Variants in AGMO observed in about 807,000 individuals in gnomAD.
AGMO encodes the protein glyceryl-ether monooxygenase.
In AGMO, 75 loss-of-function variants were observed where a neutral mutation model predicts 60.2. The ratio of observed to expected loss-of-function variants is 1.25; its 90% CI spans 1.03 to 1.51. The LOEUF (loss-of-function observed/expected upper bound fraction) is 1.51, where lower values mean the gene tolerates loss of function less well. AGMO is among the 40% of genes most tolerant of loss of function. The probability of loss-of-function intolerance (pLI) is 0.00; values close to 1 mark genes in which losing one functional copy is unlikely to be tolerated. For synonymous variants in AGMO, 261 were observed against 177.1 expected, an observed-to-expected ratio of 1.47 and a Z score of -3.76; for missense variants, 763 against 525.5, an observed-to-expected ratio of 1.45 and a Z score of -4.42.
At chr7:15,287,917 T>A (rs1784145901) in intron 12 of AGMO, among the ~76,000 whole-genome samples, 1 of 152,246 alleles carries the variant, frequency 6.6e-6, no homozygotes, top group Non-Finnish European at 1.5e-5. Context: ...TATGTAGCCA[T>A]AATTTTTATT....
At chr7:15,462,939 C>A (rs551389956) in intron 3 of AGMO, among the ~76,000 whole-genome samples, 43 of 152,204 alleles carry the variant, frequency 2.8e-4, no homozygotes, top group African/African-American at 1.0e-3. Context: ...AGCTACACAA[C>A]GTCAGGTTGT....
chr7:15,398,733 G>C (rs1387379152), intron 5 of AGMO, among the ~76,000 whole-genome samples: 2 of 151,858 alleles, frequency 1.3e-5, no homozygotes, highest in African/African-American at 4.8e-5. Flanking sequence ...GACATAGATG[G>C]GTTTATTTAA....
At chr7:15,533,222 A>G (rs1383364532) in intron 3 of AGMO, among the ~76,000 whole-genome samples, 5 of 152,126 alleles carry the variant, frequency 3.3e-5, no homozygotes, top group African/African-American at 1.2e-4. Context: ...AGTTCCTGTT[A>G]TGCTGTGGTT....
intron 12 of AGMO, among the ~76,000 whole-genome samples, chr7:15,359,693 T>G (rs546336427): frequency 6.6e-6 from 1 of 152,352 alleles, no homozygotes; most frequent in Admixed American, 6.5e-5. Flanking sequence ...CTACCCCTGG[T>G]TCATTTCTCA....
downstream of AGMO, among the ~76,000 whole-genome samples, chr7:15,196,141 C>T (rs1209932368): frequency 1.3e-5 from 2 of 151,758 alleles, no homozygotes; most frequent in Non-Finnish European, 1.5e-5. Context: ...CTCCCGGGTT[C>T]GAGCGATTCT....
chr7:15,400,857 G>C (rs1784534959), intron 5 of AGMO, among the ~76,000 whole-genome samples: 1 of 152,134 alleles, frequency 6.6e-6, no homozygotes, highest in South Asian at 2.1e-4. Context: ...TCAGTTTTAT[G>C]AGAGCTTCAG....
chr7:15,363,446 G>A (rs896101658), intron 12 of AGMO, among the ~76,000 whole-genome samples: 1 of 152,096 alleles, frequency 6.6e-6, no homozygotes, highest in East Asian at 1.9e-4. Context: ...CTACTTAGAT[G>A]GATGTTATAC....
intron 4 of AGMO, among the ~76,000 whole-genome samples, chr7:15,430,026 G>T (rs1781181659): frequency 6.6e-6 from 1 of 151,556 alleles, no homozygotes; most frequent in Non-Finnish European, 1.5e-5. Flanking sequence ...CTTTATTAGT[G>T]GTGTGACTGA....
At chr7:15,465,835 A>G (rs1210664650) in intron 3 of AGMO, among the ~76,000 whole-genome samples, 1 of 152,092 alleles carries the variant, frequency 6.6e-6, no homozygotes, top group Non-Finnish European at 1.5e-5. Flanking sequence ...AAGGAAAAGC[A>G]TAACACAAAA....
At chr7:15,294,782 A>G (rs1784366441) in intron 12 of AGMO, among the ~76,000 whole-genome samples, 1 of 151,986 alleles carries the variant, frequency 6.6e-6, no homozygotes, top group Admixed American at 6.6e-5. Flanking sequence ...CCTGATGAAT[A>G]AAATATCTGA....
the AGMO span, among the ~76,000 whole-genome samples, chr7:15,126,804 C>T: frequency 6.6e-6 from 1 of 152,108 alleles, no homozygotes; most frequent in Non-Finnish European, 1.5e-5. Flanking sequence ...CCCTTGTTTT[C>T]CTTCCTTCCT....
chr7:15,354,411 CGTGT>C (rs199522749), intron 12 of AGMO, among the ~76,000 whole-genome samples: 3 of 21,630 alleles, frequency 1.4e-4, no homozygotes, highest in African/African-American at 8.6e-4. Flanking sequence ...TGTGTACACA[CGTGT>C]GTGTATACAC....
intron 3 of AGMO, among the ~76,000 whole-genome samples, chr7:15,526,189 A>AGGGGCG (rs1466264147): frequency 6.6e-6 from 1 of 152,146 alleles, no homozygotes; most frequent in East Asian, 1.9e-4. Flanking sequence ...AGGCCTGGGC[A>AGGGGCG]GGGGCGTTGC....
chr7:15,329,331 T>C (rs138061505), intron 12 of AGMO, among the ~76,000 whole-genome samples: 1 of 152,284 alleles, frequency 6.6e-6, no homozygotes, highest in East Asian at 1.9e-4. Flanking sequence ...AAACAAGTTA[T>C]GAAAAGTCTC....
Position 15,538,069 on chromosome 7 carries a change from T to C in AGMO, c.409+6703A>G, listed in dbSNP as rs576152078. 2.0e-5 allele frequency among the ~76,000 whole-genome samples: 3 copies of C among 152,172 alleles called. No individual in the cohort carries two copies. The East Asian group carries it at 5.8e-4, about 29-fold the overall frequency. ...CTAAAAGGCATAGGCAAGTTGTTGA[T>C]GGGAATTCCAAGGCTTCTCTCGTAG... On this transcript the variant is annotated intron_variant, in intron 3 of 12. Transcript: ENST00000342526.
intron 12 of AGMO, among the ~76,000 whole-genome samples, chr7:15,338,888 A>G (rs1236290254): frequency 6.6e-6 from 1 of 152,174 alleles, no homozygotes; most frequent in Non-Finnish European, 1.5e-5. Flanking sequence ...TAAAATAAGC[A>G]TTTACACCTT....
intron 12 of AGMO, among the ~76,000 whole-genome samples, chr7:15,347,694 G>C (rs940939639): frequency 6.6e-6 from 1 of 151,848 alleles, no homozygotes; most frequent in Non-Finnish European, 1.5e-5. Flanking sequence ...AAAATCTCCT[G>C]ATTAAAAAAT....
chr7:15,558,208 T>C (rs1329330127), intron 2 of AGMO, among the ~76,000 whole-genome samples: 1 of 152,024 alleles, frequency 6.6e-6, no homozygotes, highest in Non-Finnish European at 1.5e-5. Flanking sequence ...CTAATTTCAT[T>C]TGGAACAAAA....
chr7:15,395,367 T>G (rs1480234248), intron 5 of AGMO, among the ~76,000 whole-genome samples: 2 of 152,162 alleles, frequency 1.3e-5, no homozygotes, highest in African/African-American at 4.8e-5. Context: ...TTAAGATGCA[T>G]AACTAAATTT....
Sources: gnomAD v4.1 joint callset for allele counts (sites outside exome capture counted in the v4.1 genomes callset) on GRCh38, gnomAD v4.1.1 for gene constraint, MANE v1.5 for transcripts, NCBI Gene and HGNC (gene_info 2026-07-23, HGNC 2026-07-21) for gene names.